Variants in FAM180A observed in about 807,000 individuals in gnomAD.
FAM180A encodes the protein family with sequence similarity 180 member A, also known as protein FAM180A.
In FAM180A, 14 loss-of-function variants were observed where a neutral mutation model predicts 15.3. That is an observed-to-expected ratio of 0.92 (90% confidence interval 0.61 to 1.43). The LOEUF is 1.43. Ranked by LOEUF, FAM180A falls within the 40% of genes most tolerant of loss-of-function variation. The pLI is 0.00. For synonymous variants in FAM180A, 90 were observed against 96.8 expected (o/e 0.93, Z 0.41); for missense variants, 200 against 220.8 (o/e 0.91, Z 0.60).
chr7:135,745,130 T>C (rs1200580745), intron 1 of FAM180A, among the ~76,000 whole-genome samples: 2 of 151,956 alleles, frequency 1.3e-5, no homozygotes, highest in African/African-American at 4.8e-5. Flanking sequence ...ACTGGAATTA[T>C]AGGCGTGCAC....
In FAM180A at chr7:135,737,101, C is replaced by G; in HGVS notation, c.175G>C (p.Glu59Gln). 1 of 1,610,282 alleles carries G rather than the reference C, an allele frequency of 6.2e-7. No homozygotes were observed. Among genetic ancestry groups the G allele is most frequent in the Non-Finnish European group, 8.5e-7 (1 of 1,177,508 alleles). ...TGAGCATGTTCCCCTCTGCCTACCT[C>G]GTAGAGCAGCTCCACCTCCTCCAGG... is the stretch of plus-strand genomic sequence containing the variant. Reference protein sequence around the residue: ...TSLEEVELLYEFLLAELEISP... With the variant: ...TSLEEVELLYQFLLAELEISP... Residue 59 changes from glutamate (E) to glutamine (Q), a missense_variant and splice_region_variant, in exon 2 of 4, where the codon GAG (glutamate) becomes CAG (glutamine). By Grantham distance (29) the Glu-to-Gln change is conservative. Transcript: ENST00000338588.
At chr7:135,736,310 C>A (rs112978475) in intron 2 of FAM180A, among the ~76,000 whole-genome samples, 4,332 of 152,290 alleles carry the variant, frequency 0.028, 201 homozygotes, top group African/African-American at 0.097. Flanking sequence ...CGTAAGCCAC[C>A]GCGCCCAGCC....
At chr7:135,733,264 GT>G (rs1369250170) in intron 3 of FAM180A, among the ~76,000 whole-genome samples, 2 of 152,138 alleles carry the variant, frequency 1.3e-5, no homozygotes, top group Non-Finnish European at 2.9e-5. Flanking sequence ...CAGCACCCTA[GT>G]CCCTTAGGAC....
intron 1 of FAM180A, among the ~76,000 whole-genome samples, chr7:135,747,554 C>A (rs1177885408): frequency 6.6e-6 from 1 of 152,044 alleles, no homozygotes; most frequent in Non-Finnish European, 1.5e-5. Context: ...CTGCTCTATC[C>A]CCACTCCGGC....
intron 2 of FAM180A, among the ~76,000 whole-genome samples, chr7:135,735,059 G>C (rs549836055): frequency 6.6e-6 from 1 of 152,184 alleles, no homozygotes; most frequent in Admixed American, 6.5e-5. Context: ...CTGCCACCAT[G>C]CCTGGCTAGT....
At chr7:135,744,654 G>A (rs1045263226) in intron 1 of FAM180A, among the ~76,000 whole-genome samples, 1 of 152,182 alleles carries the variant, frequency 6.6e-6, no homozygotes, top group African/African-American at 2.4e-5. Flanking sequence ...GCAGGTGAGT[G>A]GCCCATGGGG....
intron 1 of FAM180A, among the ~76,000 whole-genome samples, chr7:135,745,714 TTTACATCTACATTTACATTTTGGA>T: frequency 6.6e-6 from 1 of 151,990 alleles, no homozygotes; most frequent in Non-Finnish European, 1.5e-5. Context: ...TGCCTGTGGG[TTTACATCTACATTTACATTTTGGA>T]GCAGGAGGGT....
At chr7:135,746,715 G>A (rs1797036834) in intron 1 of FAM180A, among the ~76,000 whole-genome samples, 2 of 152,212 alleles carry the variant, frequency 1.3e-5, no homozygotes, top group Admixed American at 6.5e-5. Context: ...TTACTTCCAA[G>A]TGCTACCTCA....
chr7:135,743,807 T>C (rs1796990571), intron 1 of FAM180A, among the ~76,000 whole-genome samples: 1 of 152,152 alleles, frequency 6.6e-6, no homozygotes, highest in African/African-American at 2.4e-5. Context: ...TCATGCCCCT[T>C]CCTGTTTGTC....
At position 135,748,594 on chromosome 7, in the gene FAM180A, A is replaced by T; in HGVS notation, c.-14T>A. On this transcript the variant is annotated 5_prime_UTR_variant, in exon 1 of 4. Coordinates refer to ENST00000338588, the MANE Select transcript of FAM180A (RefSeq NM_205855.4). ...CTTCCAATGCATCTTGTCCTTCAAA[A>T]GGTGAAAAATCGACCCTCAAGCCCA... 6.2e-7 allele frequency: 1 copy of T among 1,612,428 alleles called. No homozygotes were observed. The highest frequency in any genetic ancestry group is 8.5e-7 in the Non-Finnish European group (1 of 1,178,534).
chr7:135,737,586 C>T (rs1292654023), intron 1 of FAM180A, among the ~76,000 whole-genome samples: 1 of 82,338 alleles, frequency 1.2e-5, no homozygotes. Flanking sequence ...GACTCCATGT[C>T]AAAAAAAAAA....
At chr7:135,732,463 C>G (rs920872435) in intron 3 of FAM180A, among the ~76,000 whole-genome samples, 3 of 152,150 alleles carry the variant, frequency 2.0e-5, no homozygotes, top group Admixed American at 6.6e-5. Flanking sequence ...GAGCCTGAGG[C>G]GGGTGGATCA....
At chr7:135,741,242 T>C (rs569802416) in intron 1 of FAM180A, among the ~76,000 whole-genome samples, 2 of 152,372 alleles carry the variant, frequency 1.3e-5, no homozygotes, top group East Asian at 3.9e-4. Flanking sequence ...AACTTTGTCA[T>C]TTCCAATAGC....
intron 3 of FAM180A, among the ~76,000 whole-genome samples, chr7:135,732,382 C>G (rs1326432072): frequency 6.6e-6 from 1 of 152,158 alleles, no homozygotes; most frequent in Non-Finnish European, 1.5e-5. Context: ...TTATCCAACT[C>G]CTTCATTAGA....
chr7:135,746,045 AT>A (rs1346209533), intron 1 of FAM180A, among the ~76,000 whole-genome samples: 1 of 152,166 alleles, frequency 6.6e-6, no homozygotes, highest in African/African-American at 2.4e-5. Context: ...CGCGGAAGAC[AT>A]TTGATGATGG....
In FAM180A at chr7:135,729,859, G is replaced by T; in HGVS notation, c.*752C>A. 1.3e-6 allele frequency: 1 copy of T among 764,076 alleles called. No individual in the cohort carries two copies. The highest frequency in any genetic ancestry group is 1.6e-6 in the Non-Finnish European group (1 of 628,204). The allele number at this position is 764,076 out of a possible 1,614,324, so 47.3% of individuals were successfully genotyped here. ...AAGAGCTGGGGCAGGCAGGGGGAAG[G>T]GGAAAAGAGGAGTTGTTCGGTGGGT... On this transcript the variant is annotated 3_prime_UTR_variant, in exon 4 of 4. Transcript: ENST00000338588.
At position 135,748,635 on chromosome 7, in the gene FAM180A, C is replaced by G. The variant is rs1797064626; in HGVS notation, c.-55G>C. ...CTCAAGCCCAGTGGAACCCCAGTAG[C>G]TGCAGGTATGCCCGTGCCGTTCTTC... is the stretch of plus-strand genomic sequence containing the variant. On this transcript the variant is annotated 5_prime_UTR_variant, in exon 1 of 4. Coordinates refer to ENST00000338588, the MANE Select transcript of FAM180A (RefSeq NM_205855.4). 7.4e-7 allele frequency: 1 copy of G among 1,353,000 alleles called. No individual in the cohort carries two copies. The highest frequency in any genetic ancestry group is 1.2e-5 in the South Asian group (1 of 85,820). The allele number at this position is 1,353,000 out of a possible 1,614,324, so 83.8% of individuals were successfully genotyped here.
In FAM180A at chr7:135,748,739, G is replaced by C; in HGVS notation, c.-159C>G. On this transcript the variant is annotated 5_prime_UTR_variant, in exon 1 of 4. Transcript: ENST00000338588. ...GCCTACTCTGCCTCAGAAGGCTGGA[G>C]GCTGAAGGCTGCGTCCTGGGTGGGA... The C allele has an allele frequency of 1.5e-6, 1 of 655,698 alleles. No individual in the cohort carries two copies. The highest frequency in any genetic ancestry group is 2.7e-6 in the Non-Finnish European group (1 of 367,364). The allele number at this position is 655,698 out of a possible 1,614,324, so 40.6% of individuals were successfully genotyped here.
At chr7:135,730,418 C>T in intron 3 of FAM180A, 137 bp from the exon 4 acceptor site, 1 of 175,946 alleles carries the variant, frequency 5.7e-6, no homozygotes, top group Non-Finnish European at 1.1e-5. Context: ...GTGACGTGTG[C>T]CTGTGGTCCC....
Sources: allele counts gnomAD v4.1 joint callset (sites outside exome capture counted in the v4.1 genomes callset), GRCh38; gene constraint gnomAD v4.1.1; transcripts MANE v1.5; gene names NCBI Gene and HGNC (gene_info 2026-07-23, HGNC 2026-07-21).